SNX24: variants seen among roughly 807,000 people sequenced by gnomAD.
SNX24 encodes the protein sorting nexin 24, also known as sorting nexin-24.
SNX24 carries 22 observed loss-of-function variants against 28.7 expected under a neutral mutation model. The observed-to-expected ratio is 0.77, with a 90% CI of 0.55 to 1.10. SNX24 has a LOEUF of 1.10. Among genes scored for constraint, SNX24 ranks in the 50% least tolerant of loss-of-function variants. The probability of loss-of-function intolerance (pLI) is 0.00; values close to 1 mark genes in which losing one functional copy is unlikely to be tolerated. For missense variants in SNX24, 221 were observed against 201.1 expected, an observed-to-expected ratio of 1.10 and a Z score of -0.60; for synonymous variants, 69 against 71.5, an observed-to-expected ratio of 0.96 and a Z score of 0.18.
intron 4 of SNX24, among the ~76,000 whole-genome samples, chr5:123,000,598 G>A (rs1441685992): frequency 2.0e-5 from 3 of 152,068 alleles, no homozygotes; most frequent in African/African-American, 7.2e-5. Context: ...CCTATCTATT[G>A]GTCTAAACCC....
chr5:122,884,976 G>C (rs1459496448), intron 1 of SNX24, among the ~76,000 whole-genome samples: 2 of 152,218 alleles, frequency 1.3e-5, no homozygotes, highest in Non-Finnish European at 2.9e-5. Context: ...TTAGGGACCC[G>C]TTGGCCATTT....
chr5:122,988,315 A>T (rs930779704), intron 3 of SNX24, among the ~76,000 whole-genome samples: 8 of 152,102 alleles, frequency 5.3e-5, no homozygotes, highest in Admixed American at 5.2e-4. Flanking sequence ...GAATTCAAAA[A>T]CTTGATCCTG....
At chr5:122,977,589 C>A (rs1761219145) in intron 3 of SNX24, among the ~76,000 whole-genome samples, 1 of 152,176 alleles carries the variant, frequency 6.6e-6, no homozygotes, top group Non-Finnish European at 1.5e-5. Context: ...TTCACTGTGG[C>A]TAACGGTGCA....
intron 3 of SNX24, among the ~76,000 whole-genome samples, chr5:122,994,698 T>C (rs1035637315): frequency 6.6e-6 from 1 of 152,228 alleles, no homozygotes; most frequent in Admixed American, 6.5e-5. Flanking sequence ...GCTGTTGTTT[T>C]TCTGCCCCAT....
At chr5:122,909,736 C>T (rs1757799158) in intron 1 of SNX24, among the ~76,000 whole-genome samples, 1 of 152,192 alleles carries the variant, frequency 6.6e-6, no homozygotes, top group African/African-American at 2.4e-5. Flanking sequence ...GCCAAACTGT[C>T]TATCCCTGAG....
At chr5:122,906,751 G>A (rs1346946584) in intron 1 of SNX24, among the ~76,000 whole-genome samples, 3 of 152,206 alleles carry the variant, frequency 2.0e-5, no homozygotes, top group South Asian at 2.1e-4. Context: ...CAGGTGATCC[G>A]CCCGCCTCGG....
At chr5:123,026,930 C>G (rs1468149570) in intron 5 of SNX24, among the ~76,000 whole-genome samples, 1 of 152,156 alleles carries the variant, frequency 6.6e-6, no homozygotes, top group African/African-American at 2.4e-5. Context: ...TGCAGTGGCT[C>G]ACACCTGTAA....
chr5:122,901,732 A>G (rs756869856), intron 1 of SNX24, among the ~76,000 whole-genome samples: 1 of 152,100 alleles, frequency 6.6e-6, no homozygotes, highest in African/African-American at 2.4e-5. Flanking sequence ...TGTCATACAC[A>G]CATGTTCTAC....
chr5:122,976,366 T>C (rs766764071), intron 3 of SNX24, among the ~76,000 whole-genome samples: 25 of 151,946 alleles, frequency 1.6e-4, no homozygotes, highest in Admixed American at 9.8e-4. Flanking sequence ...GCTGTTTAAG[T>C]GTAAGAAACC....
At position 123,017,635 on chromosome 5, in the gene SNX24, G is replaced by A. The variant is rs916468634; in HGVS notation, n.384-11603G>A. ...GACTTGTGGCTCCCACAGTTCCCTC[G>A]TGTTGTGGGAGGGACCCGGTGGGAG... On this transcript the variant is annotated intron_variant and non_coding_transcript_variant, in intron 5 of 5. Transcript: ENST00000502387. Among the ~76,000 whole-genome samples, 6 of 152,118 alleles carry A rather than the reference G, an allele frequency of 3.9e-5. No individual in the cohort carries two copies. The East Asian group carries it at 5.8e-4, about 15-fold the overall frequency.
intron 3 of SNX24, among the ~76,000 whole-genome samples, chr5:122,982,666 C>A (rs1364911722): frequency 6.6e-6 from 1 of 152,128 alleles, no homozygotes; most frequent in Admixed American, 6.5e-5. Flanking sequence ...CAGATTATTA[C>A]AATGTAATAT....
intron 1 of SNX24, among the ~76,000 whole-genome samples, chr5:122,893,765 C>T (rs1363007890): frequency 2.0e-5 from 3 of 152,076 alleles, no homozygotes; most frequent in African/African-American, 7.2e-5. Flanking sequence ...TACTTGAAGC[C>T]AGGAGCAGTG....
chr5:123,013,581 C>T (rs1407066908), downstream of SNX24, among the ~76,000 whole-genome samples: 2 of 152,056 alleles, frequency 1.3e-5, no homozygotes, highest in Non-Finnish European at 2.9e-5. Flanking sequence ...TTTTGTGTGA[C>T]GGGAAGGAGG....
At chr5:122,998,889 G>A (rs116794907) in intron 3 of SNX24, among the ~76,000 whole-genome samples, 2,439 of 152,274 alleles carry the variant, frequency 0.016, 59 homozygotes, top group African/African-American at 0.041. Context: ...AGTTGTGTGA[G>A]TGATATTTCA....
At chr5:122,872,652 A>C (rs1036671770) in intron 1 of SNX24, among the ~76,000 whole-genome samples, 1 of 152,180 alleles carries the variant, frequency 6.6e-6, no homozygotes, top group Admixed American at 6.5e-5. Context: ...TGTAAATGCT[A>C]TGTAAAGGGT....
At chr5:122,957,336 G>A (rs568676615) in intron 3 of SNX24, among the ~76,000 whole-genome samples, 6 of 152,218 alleles carry the variant, frequency 3.9e-5, no homozygotes, top group African/African-American at 1.4e-4. Flanking sequence ...TATATATGAG[G>A]ATTTATTTCT....
At chr5:123,000,536 G>A (rs1762211402) in intron 4 of SNX24, among the ~76,000 whole-genome samples, 1 of 152,112 alleles carries the variant, frequency 6.6e-6, no homozygotes, top group Non-Finnish European at 1.5e-5. Flanking sequence ...TTCCTCTACT[G>A]TCCAGCTGCC....
At chr5:122,990,490 A>G (rs1479660389) in intron 3 of SNX24, among the ~76,000 whole-genome samples, 2 of 152,214 alleles carry the variant, frequency 1.3e-5, no homozygotes, top group Non-Finnish European at 2.9e-5. Context: ...CAAAGTGTAC[A>G]GTATGTAAAG....
intron 1 of SNX24, among the ~76,000 whole-genome samples, chr5:122,869,247 ACCTTTAAAT>A: frequency 6.6e-6 from 1 of 152,314 alleles, no homozygotes. Context: ...GTGGTAAATG[ACCTTTAAAT>A]GTAGCTGTTT....
Sources: gnomAD v4.1 joint callset for allele counts (sites outside exome capture counted in the v4.1 genomes callset) on GRCh38, gnomAD v4.1.1 for gene constraint, MANE v1.5 for transcripts, NCBI Gene and HGNC (gene_info 2026-07-23, HGNC 2026-07-21) for gene names.